FSTL4: variants seen among roughly 807,000 people sequenced by gnomAD.
FSTL4 encodes the protein follistatin-related protein 4.
In FSTL4, 28 loss-of-function variants were observed where a neutral mutation model predicts 78.2. That is an observed-to-expected ratio of 0.36 (90% CI 0.27 to 0.49). FSTL4 has a LOEUF of 0.49. Ranked by LOEUF, FSTL4 falls within the 20% of genes least tolerant of loss-of-function variation. The pLI is 0.98. For synonymous variants in FSTL4, 422 were observed against 440.5 expected (o/e 0.96, Z 0.53); for missense variants, 922 against 1,084.9 (o/e 0.85, Z 2.11).
chr5:133,256,415 G>T (rs1560081), intron 6 of FSTL4: 95,629 of 151,956 alleles, frequency 0.63, 30,501 homozygotes, highest in East Asian at 0.85. Context: ...GGAGCCAAGG[G>T]GGAGTGCGCA....
rs575430555 is a variant in FSTL4, at chr5:133,591,596, C to T, written c.126+12262G>A. Among the ~76,000 whole-genome samples the T allele has an allele frequency of 3.4e-3, 514 of 152,228 alleles. 3 individuals carry two copies. Among genetic ancestry groups the T allele is most frequent in the African/African-American group, 0.012 (504 of 41,538 alleles). On this transcript the variant is annotated intron_variant, in intron 2 of 15. Coordinates refer to ENST00000265342, the MANE Select transcript of FSTL4 (RefSeq NM_015082.2). ...CCCACTGGGACCTGCCTCCTGGCCA[C>T]AGGCAAATGGATCTGGGAAGATATT... is the stretch of plus-strand genomic sequence containing the variant.
At chr5:133,223,794 A>G (rs1455328404) in intron 11 of FSTL4, among the ~76,000 whole-genome samples, 1 of 152,152 alleles carries the variant, frequency 6.6e-6, no homozygotes, top group East Asian at 1.9e-4. Context: ...ATCAAAGCAT[A>G]TTTAAGGTAC....
chr5:133,387,476 T>A (rs1314740093), intron 4 of FSTL4, among the ~76,000 whole-genome samples: 1 of 152,206 alleles, frequency 6.6e-6, no homozygotes, highest in Non-Finnish European at 1.5e-5. Context: ...CCTTCTTTTC[T>A]GCAAGGCTGT....
At chr5:133,780,454 ACT>A in the FSTL4 span, among the ~76,000 whole-genome samples, 2 of 150,650 alleles carry the variant, frequency 1.3e-5, no homozygotes, top group Non-Finnish European at 3.0e-5. Context: ...CATGGCCCAA[ACT>A]CTCTCTGAAA....
chr5:133,396,870 CA>C (rs912880954), intron 4 of FSTL4, among the ~76,000 whole-genome samples: 49 of 152,224 alleles, frequency 3.2e-4, no homozygotes, highest in African/African-American at 1.1e-3. Flanking sequence ...AATTTGTTTC[CA>C]AAAATGGAAA....
chr5:133,717,171 T>C, the FSTL4 span, among the ~76,000 whole-genome samples: 2 of 152,252 alleles, frequency 1.3e-5, no homozygotes, highest in African/African-American at 4.8e-5. Flanking sequence ...TTCTGACTTT[T>C]AACTAGTTTG....
intron 3 of FSTL4, among the ~76,000 whole-genome samples, chr5:133,425,723 C>G (rs1157125174): frequency 6.6e-6 from 1 of 152,182 alleles, no homozygotes; most frequent in East Asian, 1.9e-4. Flanking sequence ...ATTCTGTGTT[C>G]CTACTGTGGG....
At chr5:133,387,817 G>A (rs1755737086) in intron 4 of FSTL4, 1 of 152,134 alleles carries the variant, frequency 6.6e-6, no homozygotes, top group Non-Finnish European at 1.5e-5. Context: ...TCTAGCCACC[G>A]AGATGAAGGC....
the FSTL4 span, among the ~76,000 whole-genome samples, chr5:133,766,306 A>G: frequency 1.3e-5 from 2 of 152,108 alleles, no homozygotes; most frequent in Non-Finnish European, 2.9e-5. Flanking sequence ...AAGAGGAGGA[A>G]AGAGGGAAGG....
At chr5:133,795,579 T>C in the FSTL4 span, among the ~76,000 whole-genome samples, 9 of 151,866 alleles carry the variant, frequency 5.9e-5, no homozygotes, top group African/African-American at 2.2e-4. Context: ...TTTGGAATGC[T>C]GATTTTCATT....
chr5:133,382,823 C>T (rs1473005750), intron 4 of FSTL4, among the ~76,000 whole-genome samples: 1 of 152,016 alleles, frequency 6.6e-6, no homozygotes, highest in Middle Eastern at 3.2e-3. Context: ...TATGTGTAGG[C>T]ACACTCAAGT....
chr5:133,389,291 C>A (rs1755781631), intron 4 of FSTL4, among the ~76,000 whole-genome samples: 1 of 152,178 alleles, frequency 6.6e-6, no homozygotes, highest in African/African-American at 2.4e-5. Context: ...ACTCTCACTG[C>A]AGCCCAGTGA....
chr5:133,808,281 C>T, the FSTL4 span, among the ~76,000 whole-genome samples: 5 of 152,332 alleles, frequency 3.3e-5, no homozygotes, highest in Middle Eastern at 6.8e-3. Flanking sequence ...GCTGAGAGCT[C>T]GTGGAGCCCT....
At chr5:133,221,913 T>TTTTG (rs1554097223) in intron 11 of FSTL4, among the ~76,000 whole-genome samples, 3 of 97,840 alleles carry the variant, frequency 3.1e-5, no homozygotes, top group African/African-American at 4.6e-5. Context: ...TTTTTTTTTT[T>TTTTG]TTTTTTTTTT....
chr5:133,730,627 C>T, the FSTL4 span, among the ~76,000 whole-genome samples: 1 of 152,214 alleles, frequency 6.6e-6, no homozygotes, highest in Non-Finnish European at 1.5e-5. Context: ...TAGACGCTTT[C>T]TGGAAGGAAA....
chr5:133,740,033 C>A, the FSTL4 span, among the ~76,000 whole-genome samples: 3 of 152,032 alleles, frequency 2.0e-5, no homozygotes, highest in Admixed American at 2.0e-4. Flanking sequence ...GCAAGGACCA[C>A]AAGGGTGCCT....
At chr5:133,533,616 C>T (rs1759296680) in intron 3 of FSTL4, among the ~76,000 whole-genome samples, 1 of 152,192 alleles carries the variant, frequency 6.6e-6, no homozygotes, top group South Asian at 2.1e-4. Context: ...CTAAGCCAGG[C>T]TCTCCATGTT....
chr5:133,825,983 G>C, the FSTL4 span, among the ~76,000 whole-genome samples: 1 of 152,182 alleles, frequency 6.6e-6, no homozygotes, highest in Non-Finnish European at 1.5e-5. Context: ...CTGCAGAAGG[G>C]GTGTGCCACT....
chr5:133,408,513 C>A (rs920502414), intron 3 of FSTL4, among the ~76,000 whole-genome samples: 1 of 143,676 alleles, frequency 7.0e-6, no homozygotes, highest in East Asian at 2.3e-4. Context: ...CCAGAGGCCA[C>A]GCTGCTGTGG....
Sources: allele counts gnomAD v4.1 joint callset (sites outside exome capture counted in the v4.1 genomes callset), GRCh38; gene constraint gnomAD v4.1.1; transcripts MANE v1.5; gene names NCBI Gene and HGNC (gene_info 2026-07-23, HGNC 2026-07-21).